SLC8A1: variants seen among roughly 807,000 people sequenced by gnomAD.
SLC8A1 encodes the protein sodium/calcium exchanger 1.
In SLC8A1, 18 loss-of-function variants were observed where a neutral mutation model predicts 68.3. The ratio of observed to expected loss-of-function variants is 0.26; its 90% confidence interval spans 0.18 to 0.39. The LOEUF (loss-of-function observed/expected upper bound fraction) is 0.39, where lower values mean the gene tolerates loss of function less well. Ranked by LOEUF, SLC8A1 falls within the 10% of genes least tolerant of loss-of-function variation. The probability of loss-of-function intolerance (pLI) is 1.00; values close to 1 mark genes in which losing one functional copy is unlikely to be tolerated. For synonymous variants in SLC8A1, 475 were observed against 415.5 expected, an observed-to-expected ratio of 1.14 and a Z score of -1.74; for missense variants, 985 against 1,156.7, an observed-to-expected ratio of 0.85 and a Z score of 2.15.
intron 2 of SLC8A1, among the ~76,000 whole-genome samples, chr2:40,273,417 TA>T (rs2066300798): frequency 6.6e-6 from 1 of 152,116 alleles, no homozygotes; most frequent in Admixed American, 6.5e-5. Flanking sequence ...TAAACTTTAA[TA>T]AACTAAGAAG....
At chr2:40,239,904 G>A (rs552762569) in intron 2 of SLC8A1, among the ~76,000 whole-genome samples, 2 of 152,232 alleles carry the variant, frequency 1.3e-5, no homozygotes, top group South Asian at 2.1e-4. Flanking sequence ...CATGGAAACC[G>A]AACGAATATC....
At chr2:40,169,456 T>A (rs1339650995) in intron 4 of SLC8A1, among the ~76,000 whole-genome samples, 3 of 152,102 alleles carry the variant, frequency 2.0e-5, no homozygotes, top group Non-Finnish European at 4.4e-5. Flanking sequence ...TCATTAGAGA[T>A]GATATTTGGG....
chr2:40,103,993 G>C (rs1438579914), exon 8 of SLC8A1: 1 of 152,118 alleles, frequency 6.6e-6, no homozygotes, highest in African/African-American at 2.4e-5. Context: ...CAAGCTAAAG[G>C]TAAAGTCTTC....
intron 2 of SLC8A1, among the ~76,000 whole-genome samples, chr2:40,229,726 T>G (rs1476520430): frequency 1.3e-5 from 2 of 152,204 alleles, no homozygotes; most frequent in Non-Finnish European, 2.9e-5. Flanking sequence ...AGAGTGCTTC[T>G]GGAACTAGCC....
chr2:40,277,794 GTATATATATATATA>G (rs56145701), intron 2 of SLC8A1, among the ~76,000 whole-genome samples: 1,334 of 108,024 alleles, frequency 0.012, 23 homozygotes, highest in Non-Finnish European at 0.019. Context: ...ATATATGTGT[GTATATATATATATA>G]TATATATATA....
At chr2:40,148,460 G>C (rs1332097638) in intron 6 of SLC8A1, among the ~76,000 whole-genome samples, 1 of 152,178 alleles carries the variant, frequency 6.6e-6, no homozygotes. Context: ...TTTGAAAGTT[G>C]ACGTTTGAGC....
intron 5 of SLC8A1, among the ~76,000 whole-genome samples, chr2:40,161,573 G>T (rs960891987): frequency 6.6e-6 from 1 of 152,068 alleles, no homozygotes; most frequent in Non-Finnish European, 1.5e-5. Context: ...ATTTTTCTTT[G>T]GAACTTTTTA....
At chr2:40,209,642 G>A (rs2056199684) in intron 2 of SLC8A1, among the ~76,000 whole-genome samples, 1 of 152,156 alleles carries the variant, frequency 6.6e-6, no homozygotes, top group Non-Finnish European at 1.5e-5. Context: ...TCCCGGCAAA[G>A]GATGATGGTG....
At chr2:40,410,610 A>G (rs964083315) in intron 2 of SLC8A1, among the ~76,000 whole-genome samples, 4 of 152,124 alleles carry the variant, frequency 2.6e-5, no homozygotes, top group African/African-American at 9.7e-5. Context: ...TTTTACATGT[A>G]TAACATGATA....
intron 1 of SLC8A1, among the ~76,000 whole-genome samples, chr2:40,436,475 C>A (rs934910440): frequency 6.6e-6 from 1 of 152,102 alleles, no homozygotes; most frequent in Non-Finnish European, 1.5e-5. Flanking sequence ...GACTCTTGGG[C>A]TGGAAAGACT....
chr2:40,399,647 T>C (rs1422907283), intron 2 of SLC8A1, among the ~76,000 whole-genome samples: 1 of 152,182 alleles, frequency 6.6e-6, no homozygotes, highest in Non-Finnish European at 1.5e-5. Context: ...AATGCTATGC[T>C]GTGGGAAATA....
At chr2:40,472,729 T>C (rs1704062536) in intron 1 of SLC8A1, among the ~76,000 whole-genome samples, 1 of 152,114 alleles carries the variant, frequency 6.6e-6, no homozygotes, top group African/African-American at 2.4e-5. Flanking sequence ...AATATATTAA[T>C]AAACATAATA....
chr2:40,330,736 G>T (rs2076325875), intron 2 of SLC8A1, among the ~76,000 whole-genome samples: 1 of 152,148 alleles, frequency 6.6e-6, no homozygotes, highest in South Asian at 2.1e-4. Context: ...GAAAAATAAA[G>T]TTAAAATATA....
intron 6 of SLC8A1, among the ~76,000 whole-genome samples, chr2:40,158,050 A>C (rs1163564112): frequency 6.6e-6 from 1 of 152,168 alleles, no homozygotes; most frequent in Non-Finnish European, 1.5e-5. Flanking sequence ...CCTATTTACA[A>C]AATTATTATT....
In SLC8A1 at chr2:40,287,713, G is replaced by C. The variant is rs78319262; in HGVS notation, c.1809-109858C>G. Among the ~76,000 whole-genome samples, 1,214 of 151,808 alleles carry C rather than the reference G, an allele frequency of 8.0e-3. 12 individuals carry two copies. The highest frequency in any genetic ancestry group is 0.028 in the African/African-American group (1,165 of 41,400). Reference sequence around the variant, plus strand: ...GAGTGAGGAACAGGGGAGGATGAGGGATAGGGACTCAGGGATGGGAAACTG... The same window carrying C: ...GAGTGAGGAACAGGGGAGGATGAGGCATAGGGACTCAGGGATGGGAAACTG... On this transcript the variant is annotated intron_variant, in intron 2 of 7. Transcript: ENST00000406785.
chr2:40,269,284 T>C (rs561678749), intron 2 of SLC8A1, among the ~76,000 whole-genome samples: 10 of 152,328 alleles, frequency 6.6e-5, no homozygotes, highest in South Asian at 2.1e-4. Flanking sequence ...AGATCTAGCA[T>C]TCAAACTCAG....
rs56145701 is a variant in SLC8A1, at chr2:40,277,794, GTATATATATATATATATATATA to G, written c.1809-99961_1809-99940del. The stretch of plus-strand genomic sequence containing the variant: ...TATGTATAAATATATATATATGTGT[GTATATATATATATATATATATA>G]TATATATATATATATTTGTAACATA... On this transcript the variant is annotated intron_variant, in intron 2 of 7. Coordinates refer to ENST00000406785, the Ensembl canonical transcript of SLC8A1. Among the ~76,000 whole-genome samples the G allele has an allele frequency of 7.4e-5, 8 of 108,024 alleles. 1 individual carries two copies. The highest frequency in any genetic ancestry group is 3.6e-4 in the East Asian group (1 of 2,812). The allele number at this position is 108,024 out of a possible 152,430, so 70.9% of individuals were successfully genotyped here.
In SLC8A1 at chr2:40,376,932, A is replaced by T. The variant is rs190877494; in HGVS notation, c.1808+51541T>A. On this transcript the variant is annotated intron_variant, in intron 2 of 7. Transcript: ENST00000406785. The stretch of plus-strand genomic sequence containing the variant: ...ATGCAATAGGTAGAATTCTAAGATG[A>T]CCCCCATGAACCATGACCAGGTATA... Among the ~76,000 whole-genome samples, 70 of 152,026 alleles carry T rather than the reference A, an allele frequency of 4.6e-4. 1 individual carries two copies. In the East Asian group the frequency reaches 0.013, roughly 29 times the overall value.
chr2:40,455,927 G>A (rs967898542), upstream of SLC8A1, among the ~76,000 whole-genome samples: 3 of 150,454 alleles, frequency 2.0e-5, no homozygotes, highest in Non-Finnish European at 4.4e-5. Context: ...CTGCATTACC[G>A]TGGGGTCAAC....
Sources: allele counts gnomAD v4.1 joint callset (sites outside exome capture counted in the v4.1 genomes callset), GRCh38; gene constraint gnomAD v4.1.1; transcripts MANE v1.5; gene names NCBI Gene and HGNC (gene_info 2026-07-23, HGNC 2026-07-21).